The following SAMD13 variants were observed in gnomAD, a reference collection of about 807,000 sequenced individuals.
SAMD13 encodes sterile alpha motif domain containing 13, also known as sterile alpha motif domain-containing protein 13.
In SAMD13, 9 loss-of-function variants were observed where a neutral mutation model predicts 12.4. That is an observed-to-expected ratio of 0.72 (90% CI 0.44 to 1.26). The LOEUF (loss-of-function observed/expected upper bound fraction) is 1.26. Ranked by LOEUF, SAMD13 falls within the 50% of genes most tolerant of loss-of-function variation. The probability of loss-of-function intolerance (pLI) is 0.00; values close to 1 mark genes in which losing one functional copy is unlikely to be tolerated. For synonymous variants in SAMD13, 46 were observed against 45.4 expected (o/e 1.01, Z -0.05); for missense variants, 84 against 119.6 (o/e 0.70, Z 1.39).
intron 2 of SAMD13, among the ~76,000 whole-genome samples, chr1:84,322,066 G>A (rs998639479): frequency 6.6e-6 from 1 of 152,114 alleles, no homozygotes; most frequent in Admixed American, 6.5e-5. Flanking sequence ...GTTCTAGGCA[G>A]GCGGAACTAA....
intron 2 of SAMD13, among the ~76,000 whole-genome samples, chr1:84,313,099 A>G (rs1387856901): frequency 1.3e-5 from 2 of 152,178 alleles, no homozygotes; most frequent in Non-Finnish European, 2.9e-5. Context: ...TGAATAGTTG[A>G]TATATCCTTT....
At chr1:84,341,410 G>T (rs1679421606) in intron 3 of SAMD13, among the ~76,000 whole-genome samples, 2 of 152,142 alleles carry the variant, frequency 1.3e-5, no homozygotes, top group Non-Finnish European at 2.9e-5. Context: ...GATAACAAAA[G>T]AACAGTTGAG....
chr1:84,312,864 C>T (rs1449706736), intron 2 of SAMD13, among the ~76,000 whole-genome samples: 3 of 152,226 alleles, frequency 2.0e-5, no homozygotes, highest in Admixed American at 6.5e-5. Context: ...TTGAAAAGCA[C>T]AGTTATGTAC....
chr1:84,348,175 G>T (rs1410456994), intron 3 of SAMD13, among the ~76,000 whole-genome samples: 1 of 152,174 alleles, frequency 6.6e-6, no homozygotes, highest in Non-Finnish European at 1.5e-5. Context: ...TGCAAGAGCG[G>T]TTTCTCACAG....
rs1679564369 is a variant in SAMD13 at position 84,347,808 on chromosome 1, G to T, written c.166-1823G>T. 2.0e-5 allele frequency among the ~76,000 whole-genome samples: 3 copies of T among 152,256 alleles called. No individual in the cohort carries two copies. The South Asian group carries it at 6.2e-4, about 32-fold the overall frequency. ...CCTCTCCCAACTCTCAGACATGCAG[G>T]TTTCACTAATCAGCAATCTCTAGGA... On this transcript the variant is annotated intron_variant, in intron 3 of 3. Transcript: ENST00000394834.
chr1:84,307,331 A>G (rs763208931), intron 2 of SAMD13, among the ~76,000 whole-genome samples: 2 of 152,198 alleles, frequency 1.3e-5, no homozygotes, highest in African/African-American at 4.8e-5. Context: ...CAATTCCACC[A>G]ATGCATTTTT....
In SAMD13 at chr1:84,350,120, A is replaced by C; in HGVS notation, c.*346A>C. 5.7e-6 allele frequency: 1 copy of C among 175,140 alleles called. No individual in the cohort carries two copies. Among genetic ancestry groups the C allele is most frequent in the Non-Finnish European group, 1.2e-5 (1 of 86,358 alleles). 10.8% of individuals were successfully genotyped at this position (175,140 alleles called of 1,614,324 possible). On this transcript the variant is annotated 3_prime_UTR_variant, in exon 4 of 4. Transcript: ENST00000394834. Reference sequence around the variant, plus strand: ...ATCTTTTAAAAAAGAATTTAATTAAATGACAGTCTTTTGGTTACAGACTTA... The same window carrying C: ...ATCTTTTAAAAAAGAATTTAATTAACTGACAGTCTTTTGGTTACAGACTTA...
chr1:84,307,355 G>A (rs1678601992), intron 2 of SAMD13, among the ~76,000 whole-genome samples: 1 of 152,134 alleles, frequency 6.6e-6, no homozygotes, highest in African/African-American at 2.4e-5. Context: ...TTCAGACAAT[G>A]TAGCTTTCAT....
chr1:84,345,251 C>G (rs1679512457), intron 3 of SAMD13: 1 of 455,646 alleles, frequency 2.2e-6, no homozygotes, highest in Admixed American at 2.4e-5. Flanking sequence ...AAGACTGTTT[C>G]ATGAGATTCC....
chr1:84,303,137 T>C, intron 1 of SAMD13, 66 bp from the exon 2 acceptor site: 1 of 1,238,314 alleles, frequency 8.1e-7, no homozygotes, highest in Non-Finnish European at 1.2e-6. Context: ...TGTTTCCGAT[T>C]CAGAATATAT....
intron 2 of SAMD13, among the ~76,000 whole-genome samples, chr1:84,323,410 A>G (rs1678988840): frequency 6.6e-6 from 1 of 152,028 alleles, no homozygotes; most frequent in South Asian, 2.1e-4. Flanking sequence ...TGGTAGGAAG[A>G]TTGTGTGTGT....
chr1:84,338,452 T>A, intron 3 of SAMD13, among the ~76,000 whole-genome samples: 1 of 146,496 alleles, frequency 6.8e-6, no homozygotes, highest in South Asian at 2.2e-4. Flanking sequence ...TTTTTTTTTT[T>A]TTTAAGATGG....
chr1:84,336,041 T>C (rs1679281415), intron 3 of SAMD13, among the ~76,000 whole-genome samples: 1 of 152,160 alleles, frequency 6.6e-6, no homozygotes, highest in Admixed American at 6.5e-5. Flanking sequence ...GGTCATTTTG[T>C]ATAGTATCTC....
intron 2 of SAMD13, among the ~76,000 whole-genome samples, chr1:84,322,658 A>G (rs1678970681): frequency 6.6e-6 from 1 of 152,128 alleles, no homozygotes; most frequent in African/African-American, 2.4e-5. Flanking sequence ...TTGGGGGGAT[A>G]TCAGGCTTTT....
At chr1:84,300,679 G>A (rs1026212292), upstream of SAMD13, among the ~76,000 whole-genome samples, 2 of 152,174 alleles carry the variant, frequency 1.3e-5, no homozygotes, top group African/African-American at 4.8e-5. Flanking sequence ...TATGTTTTCT[G>A]TGTATGTGCA....
intron 3 of SAMD13, among the ~76,000 whole-genome samples, chr1:84,326,380 G>T (rs1254771961): frequency 6.6e-6 from 1 of 152,176 alleles, no homozygotes; most frequent in Non-Finnish European, 1.5e-5. Flanking sequence ...CAGTGCCTAT[G>T]ATAGGTTCTG....
At chr1:84,340,711 C>T (rs1679405220) in intron 3 of SAMD13, among the ~76,000 whole-genome samples, 1 of 152,128 alleles carries the variant, frequency 6.6e-6, no homozygotes, top group East Asian at 1.9e-4. Flanking sequence ...GGGTTCTCTT[C>T]CTCTGAGTTG....
intron 3 of SAMD13, among the ~76,000 whole-genome samples, chr1:84,338,801 T>A (rs1679358951): frequency 6.6e-6 from 1 of 152,034 alleles, no homozygotes; most frequent in Non-Finnish European, 1.5e-5. Context: ...GAGAACAGCA[T>A]GGGAAAGACC....
upstream of SAMD13, chr1:84,298,576 T>C (rs1423699586): frequency 7.8e-7 from 1 of 1,284,554 alleles, no homozygotes. Flanking sequence ...AGGTAAGTGA[T>C]CTGCCTGTGC....
Sources: allele counts gnomAD v4.1 joint callset (sites outside exome capture counted in the v4.1 genomes callset), GRCh38; gene constraint gnomAD v4.1.1; transcripts MANE v1.5; gene names NCBI Gene and HGNC (gene_info 2026-07-23, HGNC 2026-07-21).